The following MTRF1 variants were observed in gnomAD, a reference collection of about 807,000 sequenced individuals.
The protein encoded by MTRF1 is mitochondrial translation release factor 1.
In MTRF1, 51 loss-of-function variants were observed where a neutral mutation model predicts 62.9. The observed-to-expected ratio is 0.81, with a 90% CI of 0.65 to 1.02. The LOEUF (loss-of-function observed/expected upper bound fraction) is 1.02. Ranked by LOEUF, MTRF1 falls within the 50% of genes least tolerant of loss-of-function variation. The probability of loss-of-function intolerance (pLI) is 0.00; values close to 1 mark genes in which losing one functional copy is unlikely to be tolerated. For missense variants in MTRF1, 446 were observed against 530.0 expected (o/e 0.84, Z 1.56); for synonymous variants, 158 against 181.9 (o/e 0.87, Z 1.06).
At chr13:41,220,323 GGAAAAAA>G (rs1404152160) in intron 9 of MTRF1, among the ~76,000 whole-genome samples, 8 of 93,324 alleles carry the variant, frequency 8.6e-5, no homozygotes, top group African/African-American at 3.8e-4. Flanking sequence ...AATCTGTCTC[GGAAAAAA>G]AAAAAAAAAA....
At chr13:41,274,809 T>C in the MTRF1 span, among the ~76,000 whole-genome samples, 2 of 152,028 alleles carry the variant, frequency 1.3e-5, no homozygotes, top group African/African-American at 4.8e-5. Flanking sequence ...CTAATTTTTG[T>C]ATTATTAGTA....
At chr13:41,263,376 C>A (rs957076887) in intron 1 of MTRF1, 109 bp downstream of exon 1, 1 of 1,113,460 alleles carries the variant, frequency 9.0e-7, no homozygotes, top group African/African-American at 1.6e-5. Context: ...CGACAGCCCG[C>A]GGGGCAGCAG....
chr13:41,246,220 T>C (rs2038236918), intron 5 of MTRF1, among the ~76,000 whole-genome samples: 1 of 152,194 alleles, frequency 6.6e-6, no homozygotes, highest in Non-Finnish European at 1.5e-5. Context: ...GCTTAGACCA[T>C]GCAGGTTCTA....
At chr13:41,277,967 T>A in the MTRF1 span, among the ~76,000 whole-genome samples, 1 of 152,202 alleles carries the variant, frequency 6.6e-6, no homozygotes, top group Non-Finnish European at 1.5e-5. Flanking sequence ...TGTACTACAG[T>A]CCACTCACAA....
At chr13:41,274,131 G>GATTT in the MTRF1 span, among the ~76,000 whole-genome samples, 1 of 152,182 alleles carries the variant, frequency 6.6e-6, no homozygotes, top group Admixed American at 6.5e-5. Flanking sequence ...GGGGCCCCAA[G>GATTT]ATTTATTTTA....
At chr13:41,310,388 C>T in the MTRF1 span, among the ~76,000 whole-genome samples, 1 of 152,014 alleles carries the variant, frequency 6.6e-6, no homozygotes, top group Non-Finnish European at 1.5e-5. Context: ...ACCGTAATTC[C>T]GGCCAGGTGT....
At chr13:41,291,425 G>A in the MTRF1 span, among the ~76,000 whole-genome samples, 19 of 152,046 alleles carry the variant, frequency 1.2e-4, no homozygotes, top group Non-Finnish European at 2.5e-4. Context: ...CGATCTACCC[G>A]CCACAGCCTC....
chr13:41,249,833 C>G (rs148216415), intron 5 of MTRF1, among the ~76,000 whole-genome samples: 1 of 151,528 alleles, frequency 6.6e-6, no homozygotes, highest in Non-Finnish European at 1.5e-5. Flanking sequence ...AGGCTGGCCT[C>G]AAACTCCTGG....
chr13:41,280,351 G>A, the MTRF1 span, among the ~76,000 whole-genome samples: 9 of 151,928 alleles, frequency 5.9e-5, no homozygotes, highest in Non-Finnish European at 1.3e-4. Flanking sequence ...GAAGCCCCCC[G>A]GCTTAGAGTT....
the MTRF1 span, among the ~76,000 whole-genome samples, chr13:41,306,106 G>A: frequency 6.6e-6 from 1 of 152,156 alleles, no homozygotes; most frequent in African/African-American, 2.4e-5. Context: ...GAGCCGGCTG[G>A]GCGCGGTGGC....
At chr13:41,263,342 TTC>T in intron 1 of MTRF1, 141 bp downstream of exon 1, 1 of 1,286,932 alleles carries the variant, frequency 7.8e-7, no homozygotes, top group South Asian at 1.2e-5. Flanking sequence ...TTGGGGAAAG[TTC>T]TGAGTGTAGG....
chr13:41,311,521 C>G, the MTRF1 span: 2 of 1,600,222 alleles, frequency 1.2e-6, no homozygotes, highest in Non-Finnish European at 1.7e-6. Context: ...GCCTCCCTGC[C>G]GGCCACGATG....
chr13:41,258,780 C>T (rs1375192780), intron 2 of MTRF1, among the ~76,000 whole-genome samples: 1 of 152,052 alleles, frequency 6.6e-6, no homozygotes, highest in African/African-American at 2.4e-5. Flanking sequence ...ATAAATTGGA[C>T]ATCATCAAAA....
chr13:41,244,739 TACA>T (rs762408597), intron 5 of MTRF1, among the ~76,000 whole-genome samples: 12 of 152,134 alleles, frequency 7.9e-5, no homozygotes, highest in Non-Finnish European at 1.5e-4. Flanking sequence ...GGTATCTGCT[TACA>T]ACTACATGAG....
intron 2 of MTRF1, among the ~76,000 whole-genome samples, chr13:41,259,668 C>T (rs947886062): frequency 9.2e-6 from 1 of 108,182 alleles, no homozygotes; most frequent in African/African-American, 3.3e-5. Flanking sequence ...CGCCACTGCA[C>T]TCCAGCCTGG....
intron 5 of MTRF1, 108 bp from the exon 6 acceptor site, chr13:41,240,541 G>T: frequency 2.0e-6 from 2 of 1,003,980 alleles, no homozygotes; most frequent in Non-Finnish European, 2.7e-6. Flanking sequence ...AGCCTAAGAT[G>T]AGAACATAAA....
the MTRF1 span, among the ~76,000 whole-genome samples, chr13:41,290,128 G>A: frequency 7.4e-5 from 9 of 120,862 alleles, no homozygotes; most frequent in African/African-American, 1.6e-4. Context: ...ATGGAGTCTC[G>A]CTCTGTCTCC....
the MTRF1 span, among the ~76,000 whole-genome samples, chr13:41,299,665 G>A: frequency 6.6e-6 from 1 of 151,674 alleles, no homozygotes; most frequent in Admixed American, 6.6e-5. Flanking sequence ...GAAGAATTTC[G>A]ATCACTCAAG....
intron 5 of MTRF1, among the ~76,000 whole-genome samples, chr13:41,241,975 T>C (rs9566730): frequency 6.6e-6 from 1 of 152,248 alleles, no homozygotes; most frequent in Non-Finnish European, 1.5e-5. Context: ...AGTCTAATTC[T>C]ATCATTCCTT....
Sources: gnomAD v4.1 joint callset for allele counts (sites outside exome capture counted in the v4.1 genomes callset) on GRCh38, gnomAD v4.1.1 for gene constraint, MANE v1.5 for transcripts, NCBI Gene and HGNC (gene_info 2026-07-23, HGNC 2026-07-21) for gene names.